METTL24: variants seen among roughly 807,000 people sequenced by gnomAD.
METTL24 encodes probable methyltransferase-like protein 24.
A neutral mutation model predicts 32.7 loss-of-function variants in METTL24; 29 were observed. The ratio of observed to expected loss-of-function variants is 0.89; its 90% CI spans 0.66 to 1.21. The LOEUF (loss-of-function observed/expected upper bound fraction) is 1.21. Ranked by LOEUF, METTL24 falls within the 50% of genes most tolerant of loss-of-function variation. METTL24 has a pLI of 0.00. For missense variants in METTL24, 439 were observed against 468.1 expected (o/e 0.94, Z 0.57); for synonymous variants, 163 against 179.5 (o/e 0.91, Z 0.73).
chr6:110,261,250 T>G (rs963180838), intron 4 of METTL24, among the ~76,000 whole-genome samples: 1 of 151,520 alleles, frequency 6.6e-6, no homozygotes, highest in African/African-American at 2.4e-5. Context: ...ACATATAGGC[T>G]CAAAATAAAG....
At chr6:110,290,597 A>G (rs1307228806) in intron 4 of METTL24, among the ~76,000 whole-genome samples, 1 of 152,166 alleles carries the variant, frequency 6.6e-6, no homozygotes, top group Admixed American at 6.5e-5. Context: ...ATATCATACC[A>G]TAACTTCTCT....
chr6:110,303,897 G>C (rs977528720), intron 3 of METTL24, among the ~76,000 whole-genome samples: 7 of 152,196 alleles, frequency 4.6e-5, no homozygotes, highest in Non-Finnish European at 1.0e-4. Flanking sequence ...GGGGTCGACA[G>C]ACACCTCATA....
intron 1 of METTL24, among the ~76,000 whole-genome samples, chr6:110,351,533 T>C (rs1478636407): frequency 2.0e-5 from 3 of 152,194 alleles, no homozygotes; most frequent in Non-Finnish European, 4.4e-5. Context: ...TTCTAGGTGC[T>C]CAAGTCCAAG....
At chr6:110,302,518 CATAT>C (rs1562230825) in intron 3 of METTL24, among the ~76,000 whole-genome samples, 2 of 114,886 alleles carry the variant, frequency 1.7e-5, no homozygotes, top group African/African-American at 9.3e-5. Flanking sequence ...TATACACACA[CATAT>C]GTGTATATAT....
chr6:110,293,505 AT>A (rs1363895917), intron 4 of METTL24, among the ~76,000 whole-genome samples: 8 of 151,942 alleles, frequency 5.3e-5, no homozygotes, highest in Admixed American at 5.2e-4. Context: ...ATACCATCAT[AT>A]TGTCTTCAAT....
rs531347092 is a variant in METTL24 at position 110,287,919 on chromosome 6, C to T, written c.786+11003G>A. 8.5e-5 allele frequency among the ~76,000 whole-genome samples: 13 copies of T among 152,246 alleles called. 1 individual carries two copies. The South Asian group carries it at 2.1e-3, about 24-fold the overall frequency. ...TATCTAAGACTCAGGCATGCCTGGA[C>T]CTTGACCTGGTGTGGCAGACCAGCA... On this transcript the variant is annotated intron_variant, in intron 4 of 4. Coordinates refer to ENST00000338882, the MANE Select transcript of METTL24 (RefSeq NM_001123364.3).
At chr6:110,251,998 G>A (rs1778288758) in intron 4 of METTL24, among the ~76,000 whole-genome samples, 1 of 152,034 alleles carries the variant, frequency 6.6e-6, no homozygotes, top group Admixed American at 6.5e-5. Context: ...ACAAAAATTA[G>A]CCGGGTGAGG....
At chr6:110,295,842 G>GAAGGAAGGAAGGAAGGAAGGA (rs1554213753) in intron 4 of METTL24, among the ~76,000 whole-genome samples, 1 of 148,122 alleles carries the variant, frequency 6.8e-6, no homozygotes, top group Non-Finnish European at 1.5e-5. Flanking sequence ...AGGAAGGAAG[G>GAAGGAAGGAAGGAAGGAAGGA]TTCTCTATAA....
intron 1 of METTL24, among the ~76,000 whole-genome samples, chr6:110,326,708 C>A (rs1772022997): frequency 6.6e-6 from 1 of 152,134 alleles, no homozygotes; most frequent in Non-Finnish European, 1.5e-5. Context: ...ACCGGAGAGC[C>A]CTTACAAGTC....
At chr6:110,334,221 C>G (rs917793483) in intron 1 of METTL24, among the ~76,000 whole-genome samples, 1 of 152,148 alleles carries the variant, frequency 6.6e-6, no homozygotes, top group Non-Finnish European at 1.5e-5. Flanking sequence ...GCTCTCAGCC[C>G]ACATCAGTCT....
intron 3 of METTL24, among the ~76,000 whole-genome samples, chr6:110,300,241 G>A (rs573567358): frequency 2.0e-5 from 3 of 152,210 alleles, no homozygotes; most frequent in African/African-American, 4.8e-5. Flanking sequence ...TTGATAGTTC[G>A]TGGATTTTGG....
intron 4 of METTL24, among the ~76,000 whole-genome samples, chr6:110,274,799 T>G (rs62435909): frequency 6.3e-5 from 9 of 143,004 alleles, no homozygotes; most frequent in Middle Eastern, 3.6e-3. Context: ...CTTTTCGTTC[T>G]TTCTTTTTTT....
chr6:110,268,929 C>T (rs561858334), intron 4 of METTL24, among the ~76,000 whole-genome samples: 122 of 152,158 alleles, frequency 8.0e-4, no homozygotes, highest in Non-Finnish European at 1.7e-3. Flanking sequence ...ATGCTATTCT[C>T]TTTCATTCTT....
intron 1 of METTL24, among the ~76,000 whole-genome samples, chr6:110,344,400 T>C (rs1386358253): frequency 2.0e-5 from 3 of 152,154 alleles, no homozygotes; most frequent in South Asian, 2.1e-4. Context: ...GCCACTTCTG[T>C]AGCAGGGGTT....
chr6:110,358,267 G>A lies in METTL24; in HGVS notation c.6C>T (p.Ala2=), dbSNP rs771652811. 1 of 1,474,014 alleles carries A rather than the reference G, an allele frequency of 6.8e-7. No individual in the cohort carries two copies. Among genetic ancestry groups the A allele is most frequent in the Non-Finnish European group, 8.9e-7 (1 of 1,119,466 alleles). The allele number at this position is 1,474,014 out of a possible 1,614,324, so 91.3% of individuals were successfully genotyped here. A position where few individuals can be genotyped will look rare whatever the true frequency, so the allele number is the denominator to read the frequency against. M[A]RERPPGRGCG... Reference sequence around the variant, plus strand: ...AGCCCCTCCCGGGCGGCCTCTCCCGGGCCATGGCGCTACACTCGGGGTCCC... The same window carrying A: ...AGCCCCTCCCGGGCGGCCTCTCCCGAGCCATGGCGCTACACTCGGGGTCCC... The change falls in exon 1 of 5, where the codon GCC becomes GCT. Residue 2 remains alanine, a synonymous_variant. Transcript: ENST00000338882.
intron 1 of METTL24, among the ~76,000 whole-genome samples, chr6:110,336,516 G>A (rs1454272716): frequency 6.6e-5 from 10 of 152,064 alleles, no homozygotes; most frequent in Non-Finnish European, 1.5e-4. Flanking sequence ...TGAGGTGGGC[G>A]GATCACGAGG....
At chr6:110,320,658 A>T (rs1771915608) in intron 2 of METTL24, among the ~76,000 whole-genome samples, 1 of 152,222 alleles carries the variant, frequency 6.6e-6, no homozygotes, top group Non-Finnish European at 1.5e-5. Context: ...AATAATAATT[A>T]TACATCCAGT....
intron 2 of METTL24, among the ~76,000 whole-genome samples, chr6:110,321,257 A>G (rs932009468): frequency 1.3e-5 from 2 of 152,164 alleles, no homozygotes; most frequent in Non-Finnish European, 2.9e-5. Context: ...AAAGAAAAGA[A>G]AAGAAAAATT....
chr6:110,322,990 T>C (rs1771956516), intron 1 of METTL24, 118 bp from the exon 2 acceptor site: 4 of 657,814 alleles, frequency 6.1e-6, no homozygotes, highest in Non-Finnish European at 1.0e-5. Flanking sequence ...CACACACATA[T>C]GCACACAGGC....
Sources: allele counts gnomAD v4.1 joint callset (sites outside exome capture counted in the v4.1 genomes callset), GRCh38; gene constraint gnomAD v4.1.1; transcripts MANE v1.5; gene names NCBI Gene and HGNC (gene_info 2026-07-23, HGNC 2026-07-21).